The following GABRA2 variants were observed in gnomAD, a reference collection of about 807,000 sequenced individuals.
The protein encoded by GABRA2 is gamma-aminobutyric acid receptor subunit alpha-2.
GABRA2 carries 16 observed loss-of-function variants against 48.7 expected under a neutral mutation model. The ratio of observed to expected loss-of-function variants is 0.33; its 90% CI spans 0.22 to 0.50. The LOEUF is 0.50. Ranked by LOEUF, GABRA2 falls within the 20% of genes least tolerant of loss-of-function variation. GABRA2 has a pLI of 0.98. For synonymous variants in GABRA2, 185 were observed against 184.5 expected (o/e 1.00, Z -0.02); for missense variants, 275 against 535.6 (o/e 0.51, Z 4.80).
chr4:46,283,115 T>C lies in GABRA2; in HGVS notation c.856+20345A>G, dbSNP rs187143848. 3.4e-4 allele frequency among the ~76,000 whole-genome samples: 52 copies of C among 152,328 alleles called. No individual in the cohort carries two copies. In the East Asian group the frequency reaches 3.9e-3, roughly 11 times the overall value. On this transcript the variant is annotated intron_variant, in intron 8 of 9. Coordinates refer to ENST00000381620, the MANE Select transcript of GABRA2 (RefSeq NM_000807.4). ...AACTACTAGCTATCAATCTGATAGA[T>C]AGTCAACCCGTGAGAGTAGAAAACT...
At chr4:46,382,169 C>T (rs1716844349) in intron 3 of GABRA2, among the ~76,000 whole-genome samples, 2 of 146,218 alleles carry the variant, frequency 1.4e-5, no homozygotes, top group African/African-American at 2.6e-5. Context: ...TATATATATA[C>T]ACAAACATAC....
At chr4:46,297,476 CATATATATATATATATATATATATATAT>C (rs56201706) in intron 8 of GABRA2, among the ~76,000 whole-genome samples, 17 of 87,916 alleles carry the variant, frequency 1.9e-4, no homozygotes, top group East Asian at 1.2e-3. Flanking sequence ...AATAAAATCC[CATATATATATATATATATATATATATAT>C]ATATATATAT....
chr4:46,312,920 T>A (rs925852958), intron 4 of GABRA2, among the ~76,000 whole-genome samples: 1 of 152,030 alleles, frequency 6.6e-6, no homozygotes, highest in Admixed American at 6.6e-5. Context: ...TGTATACTAT[T>A]AGCTATATAT....
At chr4:46,337,308 G>A (rs1159121007) in intron 3 of GABRA2, among the ~76,000 whole-genome samples, 1 of 152,058 alleles carries the variant, frequency 6.6e-6, no homozygotes, top group African/African-American at 2.4e-5. Context: ...AAAGAGCAAA[G>A]TAAATATCCG....
chr4:46,320,230 A>C (rs2109745468), intron 4 of GABRA2, among the ~76,000 whole-genome samples: 1 of 152,008 alleles, frequency 6.6e-6, no homozygotes, highest in East Asian at 1.9e-4. Flanking sequence ...AAAACTGAAT[A>C]GCCATATGCA....
At chr4:46,252,624 A>G (rs567897140) in intron 9 of GABRA2, among the ~76,000 whole-genome samples, 1 of 151,628 alleles carries the variant, frequency 6.6e-6, no homozygotes, top group African/African-American at 2.4e-5. Context: ...TTTTGGTCTG[A>G]GGAAGCTGTT....
At chr4:46,281,152 G>C (rs1721460264) in intron 8 of GABRA2, among the ~76,000 whole-genome samples, 1 of 152,188 alleles carries the variant, frequency 6.6e-6, no homozygotes, top group Non-Finnish European at 1.5e-5. Flanking sequence ...TACAAGTAGA[G>C]CAGATTTTGA....
At chr4:46,351,392 G>A (rs939305186) in intron 3 of GABRA2, among the ~76,000 whole-genome samples, 2 of 151,864 alleles carry the variant, frequency 1.3e-5, no homozygotes, top group African/African-American at 4.8e-5. Context: ...TGTTTTGGAG[G>A]CTACACCTAG....
In GABRA2 at chr4:46,330,577, T is replaced by G. The variant is rs1381012828; in HGVS notation, c.255+2038A>C. Among the ~76,000 whole-genome samples, 12 of 122,776 alleles carry G rather than the reference T, an allele frequency of 9.8e-5. No individual in the cohort carries two copies. In the South Asian group the frequency reaches 1.2e-3, roughly 13 times the overall value. 80.5% of individuals were successfully genotyped at this position (122,776 alleles called of 152,430 possible). Reference sequence around the variant, plus strand: ...ATGTATATATGCATATATATATATATATATATATATATATAGAGAGAGAGA... The same window carrying G: ...ATGTATATATGCATATATATATATAGATATATATATATATAGAGAGAGAGA... On this transcript the variant is annotated intron_variant, in intron 4 of 9. Transcript: ENST00000381620.
At chr4:46,330,922 A>C (rs1731247149) in intron 4 of GABRA2, among the ~76,000 whole-genome samples, 1 of 152,068 alleles carries the variant, frequency 6.6e-6, no homozygotes, top group South Asian at 2.1e-4. Context: ...CATTTAAGAC[A>C]AGCTACACTA....
At chr4:46,320,957 C>T (rs895227393) in intron 4 of GABRA2, among the ~76,000 whole-genome samples, 2 of 151,818 alleles carry the variant, frequency 1.3e-5, no homozygotes, top group South Asian at 2.1e-4. Flanking sequence ...TTCACAATAC[C>T]CAATATACAA....
At chr4:46,353,715 T>C (rs1309366988) in intron 3 of GABRA2, among the ~76,000 whole-genome samples, 1 of 152,122 alleles carries the variant, frequency 6.6e-6, no homozygotes, top group Non-Finnish European at 1.5e-5. Context: ...CATCAAAATC[T>C]CAACATCTCA....
intron 9 of GABRA2, among the ~76,000 whole-genome samples, chr4:46,258,861 A>G (rs1310298386): frequency 2.0e-5 from 3 of 151,896 alleles, no homozygotes; most frequent in Non-Finnish European, 4.4e-5. Context: ...CTCTTCAGCT[A>G]CAAGATAGTA....
In GABRA2 at chr4:46,247,139, C is replaced by A. The variant is rs941325299; in HGVS notation, c.*3169G>T. Among the ~76,000 whole-genome samples the A allele has an allele frequency of 6.6e-6, 1 of 150,888 alleles. No homozygotes were observed. Among genetic ancestry groups the A allele is most frequent in the Non-Finnish European group, 1.5e-5 (1 of 67,430 alleles). On this transcript the variant is annotated 3_prime_UTR_variant, in exon 10 of 10. Transcript: ENST00000381620. ...CACTTATCCAAACCTGAGATAAATT[C>A]AAAATAGAGAGATACCTGAAAAGAT...
chr4:46,266,406 G>C (rs1483804987), intron 8 of GABRA2, among the ~76,000 whole-genome samples: 1 of 148,940 alleles, frequency 6.7e-6, no homozygotes, highest in Non-Finnish European at 1.5e-5. Context: ...TAGTTTTGAT[G>C]AGTAATTCTT....
chr4:46,345,560 AG>A (rs763806756), intron 3 of GABRA2, among the ~76,000 whole-genome samples: 27 of 151,956 alleles, frequency 1.8e-4, no homozygotes, highest in Non-Finnish European at 3.2e-4. Context: ...GACAACCCTA[AG>A]GCATGTTCCA....
At chr4:46,262,367 T>C (rs1443861777) in intron 8 of GABRA2, among the ~76,000 whole-genome samples, 1 of 152,138 alleles carries the variant, frequency 6.6e-6, no homozygotes, top group Non-Finnish European at 1.5e-5. Context: ...CATTTTTTGT[T>C]CTGTATAAAA....
intron 3 of GABRA2, among the ~76,000 whole-genome samples, chr4:46,352,501 G>A (rs1172831581): frequency 1.3e-5 from 2 of 151,936 alleles, no homozygotes; most frequent in Non-Finnish European, 2.9e-5. Context: ...ATCTGTAAAT[G>A]TTCACAAGAA....
At chr4:46,349,793 AT>A (rs1268595447) in intron 3 of GABRA2, among the ~76,000 whole-genome samples, 1 of 151,954 alleles carries the variant, frequency 6.6e-6, no homozygotes, top group Non-Finnish European at 1.5e-5. Flanking sequence ...TTAAAGTAGT[AT>A]AAAAGCAAAA....
Sources: gnomAD v4.1 joint callset for allele counts (sites outside exome capture counted in the v4.1 genomes callset) on GRCh38, gnomAD v4.1.1 for gene constraint, MANE v1.5 for transcripts, NCBI Gene and HGNC (gene_info 2026-07-23, HGNC 2026-07-21) for gene names.